PTPRD: variants seen among roughly 807,000 people sequenced by gnomAD.
PTPRD encodes the protein protein tyrosine phosphatase receptor type D, also known as receptor-type tyrosine-protein phosphatase delta.
PTPRD carries 34 observed loss-of-function variants against 214.5 expected under a neutral mutation model. That is an observed-to-expected ratio of 0.16 (90% CI 0.12 to 0.21). The LOEUF (loss-of-function observed/expected upper bound fraction) is 0.21. Ranked by LOEUF, PTPRD falls within the 10% of genes least tolerant of loss-of-function variation. The probability of loss-of-function intolerance (pLI) is 1.00; values close to 1 mark genes in which losing one functional copy is unlikely to be tolerated. For synonymous variants in PTPRD, 1,128 were observed against 845.7 expected (o/e 1.33, Z -5.79); for missense variants, 2,545 against 2,398.7 (o/e 1.06, Z -1.27).
chr9:10,024,136 G>A (rs187067713), intron 4 of PTPRD, among the ~76,000 whole-genome samples: 1,545 of 152,168 alleles, frequency 0.01, 74 homozygotes, highest in Admixed American at 0.075. Flanking sequence ...TATTTTTAAT[G>A]TGGGATAACA....
intron 37 of PTPRD, among the ~76,000 whole-genome samples, chr9:8,386,172 A>G (rs1362862666): frequency 6.6e-6 from 1 of 152,180 alleles, no homozygotes; most frequent in Non-Finnish European, 1.5e-5. Context: ...TGAGGAGTCA[A>G]GTAAACTTGC....
At chr9:9,450,104 GTGTGTGTGTGTGTGTC>G (rs1474526757) in intron 8 of PTPRD, among the ~76,000 whole-genome samples, 1 of 73,792 alleles carries the variant, frequency 1.4e-5, no homozygotes, top group African/African-American at 4.6e-5. Context: ...TGGTGTGTGT[GTGTGTGTGTGTGTGTC>G]TGTGTGTGTG....
chr9:9,320,062 T>C (rs1965657690), intron 9 of PTPRD, among the ~76,000 whole-genome samples: 1 of 152,188 alleles, frequency 6.6e-6, no homozygotes, highest in Admixed American at 6.5e-5. Flanking sequence ...AAGTACCTCA[T>C]TTTTGTTTTA....
chr9:8,851,513 GA>G (rs1471804434), intron 11 of PTPRD, among the ~76,000 whole-genome samples: 1 of 152,064 alleles, frequency 6.6e-6, no homozygotes, highest in African/African-American at 2.4e-5. Context: ...GTGCCAACAG[GA>G]AAAACGTACA....
intron 5 of PTPRD, among the ~76,000 whole-genome samples, chr9:9,783,665 C>A (rs2098885737): frequency 6.6e-6 from 1 of 151,968 alleles, no homozygotes; most frequent in Admixed American, 6.6e-5. Flanking sequence ...TACTTTGTAC[C>A]CCTTGTTGTC....
intron 5 of PTPRD, among the ~76,000 whole-genome samples, chr9:9,829,694 C>A (rs1308409725): frequency 6.6e-6 from 1 of 151,766 alleles, no homozygotes; most frequent in Non-Finnish European, 1.5e-5. Flanking sequence ...CTGAATGTTT[C>A]AGCTGCAGAT....
intron 12 of PTPRD, among the ~76,000 whole-genome samples, chr9:8,643,335 T>C (rs1004086530): frequency 2.7e-5 from 4 of 150,840 alleles, no homozygotes; most frequent in Non-Finnish European, 5.9e-5. Flanking sequence ...TTTAGTAATA[T>C]AGGTATTAGG....
intron 3 of PTPRD, among the ~76,000 whole-genome samples, chr9:10,036,444 A>G (rs1055917478): frequency 3.9e-5 from 6 of 152,054 alleles, no homozygotes; most frequent in Admixed American, 3.9e-4. Context: ...CCACCATAAA[A>G]TGAAAACTGA....
chr9:8,975,097 C>CAA (rs35644783), intron 11 of PTPRD, among the ~76,000 whole-genome samples: 3,737 of 116,368 alleles, frequency 0.032, 226 homozygotes, highest in African/African-American at 0.11. Flanking sequence ...AACTCTGTCT[C>CAA]AAAAAAAAAA....
chr9:8,962,998 G>A (rs2099166989), intron 11 of PTPRD: 1 of 151,914 alleles, frequency 6.6e-6, no homozygotes, highest in African/African-American at 2.4e-5. Flanking sequence ...CCTTGAGCTA[G>A]AAACAATAAA....
At chr9:9,449,246 T>C (rs2091423369) in intron 8 of PTPRD, among the ~76,000 whole-genome samples, 1 of 152,096 alleles carries the variant, frequency 6.6e-6, no homozygotes, top group Non-Finnish European at 1.5e-5. Flanking sequence ...ATAGATATTG[T>C]ATTTTGAGTT....
intron 8 of PTPRD, among the ~76,000 whole-genome samples, chr9:9,517,079 A>G (rs546343892): frequency 5.9e-5 from 9 of 152,278 alleles, no homozygotes; most frequent in African/African-American, 2.2e-4. Context: ...TGTTAGTTCA[A>G]TAATTAGAGA....
intron 7 of PTPRD, among the ~76,000 whole-genome samples, chr9:9,589,961 T>G (rs907250597): frequency 6.6e-6 from 1 of 151,978 alleles, no homozygotes; most frequent in Non-Finnish European, 1.5e-5. Context: ...AAACTATTCA[T>G]ACATTGTGAT....
intron 14 of PTPRD, among the ~76,000 whole-genome samples, chr9:8,573,817 A>G (rs892166252): frequency 3.9e-5 from 6 of 151,994 alleles, no homozygotes; most frequent in Non-Finnish European, 8.8e-5. Context: ...CCAGTGTTCA[A>G]TATTATGATT....
chr9:9,365,978 T>G (rs977037284), intron 9 of PTPRD, among the ~76,000 whole-genome samples: 1 of 151,548 alleles, frequency 6.6e-6, no homozygotes, highest in Non-Finnish European at 1.5e-5. Context: ...TTGCAGATAT[T>G]AAACTATAAT....
intron 2 of PTPRD, among the ~76,000 whole-genome samples, chr9:10,534,993 A>G (rs997632856): frequency 1.3e-5 from 2 of 152,190 alleles, no homozygotes; most frequent in Non-Finnish European, 2.9e-5. Flanking sequence ...TTATCGCTGT[A>G]AAACCTTGAA....
chr9:10,584,182 CAA>C (rs5896405), intron 2 of PTPRD, among the ~76,000 whole-genome samples: 59 of 124,312 alleles, frequency 4.7e-4, no homozygotes, highest in Admixed American at 8.9e-4. Flanking sequence ...ATGACAATTA[CAA>C]AAAAAAAAAA....
chr9:8,837,103 C>T (rs1352473314), intron 11 of PTPRD, among the ~76,000 whole-genome samples: 2 of 149,350 alleles, frequency 1.3e-5, no homozygotes, highest in Non-Finnish European at 3.0e-5. Context: ...TCCGCTCACT[C>T]CAACCTCCGC....
chr9:8,638,611 A>G (rs1008667592), intron 12 of PTPRD, among the ~76,000 whole-genome samples: 2 of 152,218 alleles, frequency 1.3e-5, no homozygotes, highest in Non-Finnish European at 2.9e-5. Context: ...CAGAAGAGGC[A>G]TATTTGCAAT....
Sources: allele counts gnomAD v4.1 joint callset (sites outside exome capture counted in the v4.1 genomes callset), GRCh38; gene constraint gnomAD v4.1.1; transcripts MANE v1.5; gene names NCBI Gene and HGNC (gene_info 2026-07-23, HGNC 2026-07-21).